The following PCDHGA7 variants were observed in gnomAD, a reference collection of about 807,000 sequenced individuals.
PCDHGA7 encodes protocadherin gamma subfamily A, 7.
A neutral mutation model predicts 58.3 loss-of-function variants in PCDHGA7; 44 were observed. That is an observed-to-expected ratio of 0.75 (90% CI 0.59 to 0.97). The LOEUF is 0.97. Ranked by LOEUF, PCDHGA7 falls within the 50% of genes least tolerant of loss-of-function variation. The pLI is 0.00. For missense variants in PCDHGA7, 1,266 were observed against 1,188.7 expected (o/e 1.06, Z -0.96); for synonymous variants, 516 against 504.2 (o/e 1.02, Z -0.31).
chr5:141,399,314 A>C (rs1309292354), intron 1 of PCDHGA7: 9 of 1,613,988 alleles, frequency 5.6e-6, no homozygotes, highest in Non-Finnish European at 1.7e-6. Context: ...TCATCCAAAA[A>C]TTCGTATAAG....
intron 1 of PCDHGA7, chr5:141,419,144 A>G: frequency 6.2e-7 from 1 of 1,613,940 alleles, no homozygotes; most frequent in South Asian, 1.1e-5. Context: ...AGACAGGGGC[A>G]AGCCTCCGTT....
chr5:141,385,482 A>G, intron 1 of PCDHGA7, 159 bp downstream of exon 1: 3 of 1,423,440 alleles, frequency 2.1e-6, no homozygotes, highest in South Asian at 1.6e-5. Context: ...TTTAATATAG[A>G]ACACATAGGA....
intron 1 of PCDHGA7, chr5:141,419,230 C>G (rs1439568232): frequency 6.2e-7 from 1 of 1,613,910 alleles, no homozygotes; most frequent in Non-Finnish European, 8.5e-7. Context: ...AGTCAGCCTA[C>G]CTGGTCCACG....
At chr5:141,402,971 T>C in intron 1 of PCDHGA7, 2 of 1,608,370 alleles carry the variant, frequency 1.2e-6, no homozygotes. Flanking sequence ...TCCAACCAAA[T>C]GCCAGCTCCG....
At chr5:141,417,993 C>T (rs753867006) in intron 1 of PCDHGA7, 11 of 1,613,830 alleles carry the variant, frequency 6.8e-6, no homozygotes, top group Non-Finnish European at 7.6e-6. Flanking sequence ...GCCAAGGGCT[C>T]GGTGGTGGGG....
intron 1 of PCDHGA7, chr5:141,407,908 G>C (rs1431775491): frequency 2.4e-6 from 1 of 420,166 alleles, no homozygotes; most frequent in Non-Finnish European, 4.2e-6. Flanking sequence ...ATGAAAAACC[G>C]GGCTGCTGTC....
intron 1 of PCDHGA7, among the ~76,000 whole-genome samples, chr5:141,484,211 G>A (rs1362875959): frequency 6.6e-6 from 1 of 152,158 alleles, no homozygotes; most frequent in Non-Finnish European, 1.5e-5. Context: ...ATGAACATTA[G>A]CATTCTGCCA....
At chr5:141,393,683 G>C (rs370409157) in intron 1 of PCDHGA7, 2 of 1,613,850 alleles carry the variant, frequency 1.2e-6, no homozygotes, top group East Asian at 4.5e-5. Flanking sequence ...AACAAACTCC[G>C]TTATTCCAGC....
rs118080774 is a variant in PCDHGA7, at chr5:141,422,026, G to A, written c.2424+36703G>A. On this transcript the variant is annotated intron_variant, in intron 1 of 3. Coordinates refer to ENST00000518325, the MANE Select transcript of PCDHGA7 (RefSeq NM_018920.4). ...CGGAACTCGGGTGCTGATGGTTAAT[G>A]CAACGGATCCAGACGAGGGAATCAA... 69 of 1,611,394 alleles carry A rather than the reference G, an allele frequency of 4.3e-5. No individual in the cohort carries two copies. The East Asian group carries it at 1.4e-3, about 32-fold the overall frequency.
At position 141,403,569 on chromosome 5, in the gene PCDHGA7, C is replaced by A. The variant is rs1206497487; in HGVS notation, c.2424+18246C>A. On this transcript the variant is annotated intron_variant, in intron 1 of 3. Transcript: ENST00000518325. The stretch of plus-strand genomic sequence containing the variant: ...CGCGCCCTGGACAGGGAGGAGGCAA[C>A]TGCCCACCACCTGGTCCTCACGGCC... The A allele has an allele frequency of 5.6e-6, 9 of 1,613,828 alleles. No homozygotes were observed. The Admixed American group carries it at 6.7e-5, about 12-fold the overall frequency.
intron 1 of PCDHGA7, chr5:141,421,725 C>T: frequency 6.2e-7 from 1 of 1,613,960 alleles, no homozygotes; most frequent in Non-Finnish European, 8.5e-7. Context: ...TGGGCGTGAA[C>T]TCCCTCCAGA....
rs762738990 is a variant in PCDHGA7, at chr5:141,404,672, G to C, written c.2424+19349G>C. 8.0e-5 allele frequency: 129 copies of C among 1,614,038 alleles called. 1 individual carries two copies. The South Asian group carries it at 1.4e-3, about 18-fold the overall frequency. ...TGCCCTCCCCACTGATGGTTCTACT[G>C]GTGTGGAGCTGGCACCCCGCTCTGC... On this transcript the variant is annotated intron_variant, in intron 1 of 3. Coordinates refer to ENST00000518325, the MANE Select transcript of PCDHGA7 (RefSeq NM_018920.4).
intron 1 of PCDHGA7, among the ~76,000 whole-genome samples, chr5:141,447,975 A>G (rs1352829510): frequency 6.6e-6 from 1 of 151,928 alleles, no homozygotes; most frequent in Non-Finnish European, 1.5e-5. Flanking sequence ...AATCCCAGCT[A>G]CTCGGGAGGC....
rs537755017 is a variant in PCDHGA7 at position 141,491,797 on chromosome 5, G to A, written c.2425-3010G>A. 16 of 1,506,818 alleles carry A rather than the reference G, an allele frequency of 1.1e-5. No individual in the cohort carries two copies. In the Admixed American group the frequency reaches 2.2e-4, roughly 20 times the overall value. The allele number at this position is 1,506,818 out of a possible 1,614,324, so 93.3% of individuals were successfully genotyped here. A position where few individuals can be genotyped will look rare whatever the true frequency, so the allele number is the denominator to read the frequency against. ...ATTGAACTTGCATCCACTCCTCTCC[G>A]GCCGGCTTGGTCGCTGGCTGCGCTC... On this transcript the variant is annotated intron_variant, in intron 1 of 3. Transcript: ENST00000518325. The surrounding 1 kb of genome is among the most constrained non-coding windows in gnomAD (Gnocchi z 6.9).
rs1357779050 is a variant in PCDHGA7, at chr5:141,382,945, C to T, written c.46C>T (p.Leu16Phe). ...CGGGGACTACAGAGGATTCTTCCTG[C>T]TCTCCATCCTCCTGGGGACCCCCTG... ...RGGDYRGFFL[L>F]SILLGTPWEA... The change falls in exon 1 of 4, where the codon CTC becomes TTC. Residue 16 changes from leucine to phenylalanine, a missense_variant. Leu to Phe is a conservative substitution (Grantham distance 22). Transcript: ENST00000518325. 1 of 1,597,008 alleles carries T rather than the reference C, an allele frequency of 6.3e-7. No homozygotes were observed. Among genetic ancestry groups the T allele is most frequent in the Admixed American group, 1.7e-5 (1 of 58,370 alleles).
rs951502238 is a variant in PCDHGA7 at position 141,478,263 on chromosome 5, A to G, written c.2425-16544A>G. ...ACAGTGTTCGGAGTAATCATATTCA[A>G]AGTTTACAAGTGGAAGCAGTCTAGA... On this transcript the variant is annotated intron_variant, in intron 1 of 3. Coordinates refer to ENST00000518325, the MANE Select transcript of PCDHGA7 (RefSeq NM_018920.4). The G allele has an allele frequency of 2.5e-6, 4 of 1,614,046 alleles. No individual in the cohort carries two copies. The African/African-American group carries it at 5.3e-5, about 22-fold the overall frequency.
chr5:141,418,314 C>T, intron 1 of PCDHGA7: 1 of 1,613,988 alleles, frequency 6.2e-7, no homozygotes. Context: ...GGGATGGGAA[C>T]AATTCTTGAG....
intron 1 of PCDHGA7, chr5:141,410,442 C>T (rs1444532577): frequency 6.2e-7 from 1 of 1,613,942 alleles, no homozygotes; most frequent in East Asian, 2.2e-5. Context: ...AGTGAGGGGA[C>T]TTTGCCTTAT....
chr5:141,492,386 G>C (rs1343104703), intron 1 of PCDHGA7, among the ~76,000 whole-genome samples: 1 of 152,202 alleles, frequency 6.6e-6, no homozygotes, highest in African/African-American at 2.4e-5. Context: ...GCCTGTTCCG[G>C]TCCACTCGCA....
Sources: allele counts gnomAD v4.1 joint callset (sites outside exome capture counted in the v4.1 genomes callset), GRCh38; gene constraint gnomAD v4.1.1; non-coding constraint Gnocchi (gnomAD v3.1); transcripts MANE v1.5; gene names NCBI Gene and HGNC (gene_info 2026-07-23, HGNC 2026-07-21).